Variants in PPP2R3A observed in about 807,000 individuals in gnomAD.
PPP2R3A encodes the protein serine/threonine-protein phosphatase 2A regulatory subunit B'' subunit alpha.
Under a neutral mutation model 106.9 loss-of-function variants are expected in PPP2R3A, and 80 were observed. The observed-to-expected ratio is 0.75, with a 90% confidence interval of 0.62 to 0.90. The LOEUF is 0.90. Among genes scored for constraint, PPP2R3A ranks in the 40% least tolerant of loss-of-function variants. PPP2R3A has a pLI of 0.00. For synonymous variants in PPP2R3A, 483 were observed against 468.3 expected (o/e 1.03, Z -0.41); for missense variants, 1,386 against 1,350.4 (o/e 1.03, Z -0.41).
intron 3 of PPP2R3A, among the ~76,000 whole-genome samples, chr3:136,038,300 T>G (rs1935152346): frequency 6.6e-6 from 1 of 152,174 alleles, no homozygotes; most frequent in South Asian, 2.1e-4. Flanking sequence ...CCAGTCTACT[T>G]CAGAACATCT....
chr3:136,103,468 C>T (rs1215760562), intron 12 of PPP2R3A, 92 bp downstream of exon 12: 11 of 860,368 alleles, frequency 1.3e-5, no homozygotes, highest in Non-Finnish European at 1.8e-5. Context: ...GCTGGAATTT[C>T]GGTAAAGAGG....
At chr3:136,143,142 T>C (rs575501236) in intron 13 of PPP2R3A, among the ~76,000 whole-genome samples, 146 of 152,322 alleles carry the variant, frequency 9.6e-4, no homozygotes, top group African/African-American at 3.2e-3. Flanking sequence ...TAGGGAACAA[T>C]TTTCTATCAA....
At chr3:136,032,062 G>C (rs1383637334) in intron 3 of PPP2R3A, among the ~76,000 whole-genome samples, 2 of 152,130 alleles carry the variant, frequency 1.3e-5, no homozygotes, top group African/African-American at 2.4e-5. Context: ...TATTTTTATA[G>C]GAATTGTGGT....
At chr3:135,976,687 A>G (rs2107753048) in intron 1 of PPP2R3A, among the ~76,000 whole-genome samples, 1 of 152,334 alleles carries the variant, frequency 6.6e-6, no homozygotes, top group South Asian at 2.1e-4. Flanking sequence ...GTTAAATAGT[A>G]GTTTTTAATT....
chr3:136,134,759 C>T (rs1279721016), intron 13 of PPP2R3A, among the ~76,000 whole-genome samples: 1 of 126,854 alleles, frequency 7.9e-6, no homozygotes, highest in Non-Finnish European at 1.8e-5. Flanking sequence ...AATTATTTTT[C>T]TCCTTTATCT....
intron 9 of PPP2R3A, among the ~76,000 whole-genome samples, chr3:136,089,447 G>C (rs1937037551): frequency 6.6e-6 from 1 of 152,024 alleles, no homozygotes; most frequent in Non-Finnish European, 1.5e-5. Flanking sequence ...CTGTGTGTCT[G>C]TTTTTGTACC....
intron 8 of PPP2R3A, among the ~76,000 whole-genome samples, chr3:136,084,140 C>T (rs898761762): frequency 1.1e-4 from 16 of 152,192 alleles, no homozygotes; most frequent in African/African-American, 3.9e-4. Context: ...TCATGACAGC[C>T]CCTCCCATCA....
At position 136,103,254 on chromosome 3, in the gene PPP2R3A, G is replaced by A. The variant is rs2272151; in HGVS notation, c.3104-4G>A. 5.2e-5 allele frequency: 81 copies of A among 1,561,332 alleles called. No homozygotes were observed. The East Asian group carries it at 1.6e-3, about 30-fold the overall frequency. On this transcript the variant is annotated splice_region_variant and splice_polypyrimidine_tract_variant and intron_variant, in intron 11 of 13. Coordinates refer to ENST00000264977, the MANE Select transcript of PPP2R3A (RefSeq NM_002718.5). ...ATTTACCAGATTTGTTTATTTTTATGTAGGCAAAATAACTCTAAGAGATCT... is the reference window on the plus strand; with the variant it reads ...ATTTACCAGATTTGTTTATTTTTATATAGGCAAAATAACTCTAAGAGATCT...
chr3:136,090,504 T>A, intron 9 of PPP2R3A, 74 bp from the exon 10 acceptor site: 2 of 1,269,842 alleles, frequency 1.6e-6, no homozygotes, highest in Non-Finnish European at 2.3e-6. Flanking sequence ...ACTACTTTAT[T>A]TCTTAGCCTA....
intron 1 of PPP2R3A, among the ~76,000 whole-genome samples, chr3:135,985,374 T>TCCTCTCTCCCTCTCTC (rs139745267): frequency 3.0e-5 from 4 of 134,974 alleles, no homozygotes; most frequent in East Asian, 2.4e-4. Flanking sequence ...CTCTCTCCCT[T>TCCTCTCTCCCTCTCTC]CCTCTCTCCC....
intron 3 of PPP2R3A, 131 bp downstream of exon 3, chr3:136,027,229 G>C: frequency 1.2e-6 from 1 of 835,858 alleles, no homozygotes; most frequent in Non-Finnish European, 1.8e-6. Context: ...GCATGGAATT[G>C]TTGTTGTTTT....
chr3:136,106,431 C>G, intron 13 of PPP2R3A, 109 bp downstream of exon 13: 2 of 924,978 alleles, frequency 2.2e-6, no homozygotes. Flanking sequence ...TTTTGAATAG[C>G]ATAAAAATGT....
At chr3:136,066,355 T>C (rs1445674915) in intron 5 of PPP2R3A, among the ~76,000 whole-genome samples, 1 of 152,120 alleles carries the variant, frequency 6.6e-6, no homozygotes, top group African/African-American at 2.4e-5. Flanking sequence ...CAAACAAATA[T>C]AGCTTCAAGA....
chr3:136,117,747 C>CA lies in PPP2R3A; in HGVS notation c.3329+11431dup, dbSNP rs575118635. Among the ~76,000 whole-genome samples, 53 of 152,156 alleles carry CA rather than the reference C, an allele frequency of 3.5e-4. No homozygotes were observed. The East Asian group carries it at 9.9e-3, about 28-fold the overall frequency. On this transcript the variant is annotated intron_variant, in intron 13 of 13. Transcript: ENST00000264977. ...AGGCAGTAATTAATACCCTACAAAC[C>CA]AAAAAATGTCCAGGACCAGACAGAT...
At chr3:136,027,992 C>T (rs1428754410) in intron 3 of PPP2R3A, among the ~76,000 whole-genome samples, 1 of 152,198 alleles carries the variant, frequency 6.6e-6, no homozygotes, top group Non-Finnish European at 1.5e-5. Context: ...TCAGGATAAA[C>T]CTCAAACTTC....
intron 4 of PPP2R3A, among the ~76,000 whole-genome samples, chr3:136,041,290 C>CT (rs1935278801): frequency 1.1e-5 from 1 of 93,878 alleles, no homozygotes; most frequent in Non-Finnish European, 1.9e-5. Context: ...CAGAATGTCA[C>CT]TTTTTTGCCC....
intron 5 of PPP2R3A, among the ~76,000 whole-genome samples, chr3:136,059,989 G>T (rs916939146): frequency 3.9e-5 from 6 of 152,178 alleles, no homozygotes; most frequent in African/African-American, 1.2e-4. Context: ...AAGGTTGGAG[G>T]GGGTAGGAGG....
At chr3:136,109,861 A>G (rs1197279390) in intron 13 of PPP2R3A, among the ~76,000 whole-genome samples, 2 of 152,168 alleles carry the variant, frequency 1.3e-5, no homozygotes, top group Admixed American at 1.3e-4. Context: ...TCATAGTAGA[A>G]TGTATAAAAT....
Position 136,040,861 on chromosome 3 carries a change from C to G in PPP2R3A, c.2265C>G (p.Val755=), listed in dbSNP as rs372693817. Residue 755 remains valine, a splice_region_variant and synonymous_variant, in exon 4 of 14, where the codon GTC becomes GTG. Coordinates refer to ENST00000264977, the MANE Select transcript of PPP2R3A (RefSeq NM_002718.5). The part of the protein sequence containing the change: ...DIYEMGKIAK[V]CGCPLYWKAP... ...CTGTATGTGTTTTCTATTTGCAGGTCTGTGGCTGTCCTCTCTATTGGAAAG... is the reference window on the plus strand; with the variant it reads ...CTGTATGTGTTTTCTATTTGCAGGTGTGTGGCTGTCCTCTCTATTGGAAAG... 8.7e-6 allele frequency: 14 copies of G among 1,611,076 alleles called. No individual in the cohort carries two copies. Among genetic ancestry groups the G allele is most frequent in the Non-Finnish European group, 1.2e-5 (14 of 1,178,818 alleles).
Sources: gnomAD v4.1 joint callset for allele counts (sites outside exome capture counted in the v4.1 genomes callset) on GRCh38, gnomAD v4.1.1 for gene constraint, MANE v1.5 for transcripts, NCBI Gene and HGNC (gene_info 2026-07-23, HGNC 2026-07-21) for gene names.